Variants in IL15 observed in about 807,000 individuals in gnomAD.
IL15 encodes interleukin 15, also known as interleukin-15.
In IL15, 11 loss-of-function variants were observed where a neutral mutation model predicts 19.6. The observed-to-expected ratio is 0.56, with a 90% confidence interval of 0.35 to 0.93. The LOEUF (loss-of-function observed/expected upper bound fraction) is 0.93, where lower values mean the gene tolerates loss of function less well. Ranked by LOEUF, IL15 falls within the 40% of genes least tolerant of loss-of-function variation. The pLI, the probability that IL15 is intolerant of heterozygous loss-of-function variation, is 0.01. For missense variants in IL15, 197 were observed against 186.5 expected, an observed-to-expected ratio of 1.06 and a Z score of -0.33; for synonymous variants, 58 against 59.6, an observed-to-expected ratio of 0.97 and a Z score of 0.12.
At chr4:141,722,538 C>T (rs1485871633) in intron 5 of IL15, among the ~76,000 whole-genome samples, 5 of 152,108 alleles carry the variant, frequency 3.3e-5, no homozygotes, top group Non-Finnish European at 2.9e-5. Context: ...ATGCTAAATC[C>T]AAACAACCTG....
intron 2 of IL15, among the ~76,000 whole-genome samples, chr4:141,695,259 G>C (rs577068346): frequency 3.9e-5 from 5 of 127,272 alleles, no homozygotes; most frequent in South Asian, 2.7e-4. Context: ...CTTCTGCTCT[G>C]CTTCTATGAT....
chr4:141,672,748 C>T (rs17007519), intron 2 of IL15, among the ~76,000 whole-genome samples: 2,609 of 152,280 alleles, frequency 0.017, 29 homozygotes, highest in Non-Finnish European at 0.03. Flanking sequence ...AGTTTATAGC[C>T]AATGACGTAT....
chr4:141,725,237 G>A (rs975302048), intron 5 of IL15, among the ~76,000 whole-genome samples: 41 of 152,100 alleles, frequency 2.7e-4, no homozygotes, highest in Non-Finnish European at 2.9e-5. Flanking sequence ...ACCTCTCATG[G>A]CCTGTGTCCC....
chr4:141,677,368 A>G (rs555229756), intron 2 of IL15, among the ~76,000 whole-genome samples: 1 of 152,282 alleles, frequency 6.6e-6, no homozygotes, highest in South Asian at 2.1e-4. Context: ...TTTTTTCTCC[A>G]GCTTGCTTTA....
chr4:141,701,583 G>A (rs1186783257), intron 2 of IL15, among the ~76,000 whole-genome samples: 2 of 152,152 alleles, frequency 1.3e-5, no homozygotes, highest in Non-Finnish European at 2.9e-5. Context: ...TATTTACTGA[G>A]TTGATGATTC....
chr4:141,677,787 C>G (rs1313086832), intron 2 of IL15, among the ~76,000 whole-genome samples: 1 of 152,184 alleles, frequency 6.6e-6, no homozygotes, highest in African/African-American at 2.4e-5. Context: ...ATTAGTCACC[C>G]CTTCTATGTA....
At chr4:141,648,271 G>A (rs1420839547) in intron 1 of IL15, among the ~76,000 whole-genome samples, 1 of 151,974 alleles carries the variant, frequency 6.6e-6, no homozygotes, top group Non-Finnish European at 1.5e-5. Context: ...TCCTTATTAG[G>A]AGTATGAGTT....
intron 4 of IL15, chr4:141,721,488 T>C (rs1299489314): frequency 3.6e-6 from 2 of 560,784 alleles, no homozygotes; most frequent in Non-Finnish European, 6.7e-6. Flanking sequence ...AAATTTACTA[T>C]CAAAATCATT....
Position 141,670,647 on chromosome 4 carries a change from C to A in IL15, c.-100+14340C>A, listed in dbSNP as rs563173728. On this transcript the variant is annotated intron_variant, in intron 2 of 7. Coordinates refer to ENST00000320650, the MANE Select transcript of IL15 (RefSeq NM_000585.5). ...GAAATATTCAATATTTTTACTAGTA[C>A]AACCTAGAAATTATTTTACTTCTTT... is the stretch of plus-strand genomic sequence containing the variant. 3.9e-5 allele frequency among the ~76,000 whole-genome samples: 6 copies of A among 152,262 alleles called. No homozygotes were observed. In the South Asian group the frequency reaches 1.2e-3, roughly 32 times the overall value.
At chr4:141,675,332 A>G (rs1728307566) in intron 2 of IL15, among the ~76,000 whole-genome samples, 1 of 152,216 alleles carries the variant, frequency 6.6e-6, no homozygotes. Context: ...CTTAGAGTTG[A>G]CAGAAATGTA....
chr4:141,688,620 G>T (rs1728786197), intron 2 of IL15, among the ~76,000 whole-genome samples: 1 of 151,816 alleles, frequency 6.6e-6, no homozygotes, highest in African/African-American at 2.4e-5. Context: ...CTCTTTATAT[G>T]CTCTTTTGGC....
chr4:141,659,453 G>T (rs144352159), intron 2 of IL15, among the ~76,000 whole-genome samples: 1 of 152,078 alleles, frequency 6.6e-6, no homozygotes, highest in African/African-American at 2.4e-5. Flanking sequence ...TGCCCACCTC[G>T]GCCTCCCGAA....
chr4:141,699,413 G>T (rs574189499), intron 2 of IL15, among the ~76,000 whole-genome samples: 2 of 152,050 alleles, frequency 1.3e-5, no homozygotes, highest in African/African-American at 2.4e-5. Context: ...TCGACCTAGC[G>T]CTGTCAGAGG....
intron 6 of IL15, among the ~76,000 whole-genome samples, chr4:141,728,650 C>T (rs1644250574): frequency 6.6e-6 from 1 of 152,046 alleles, no homozygotes; most frequent in African/African-American, 2.4e-5. Flanking sequence ...ACTCTATGTC[C>T]TCTCTCCATT....
In IL15 at chr4:141,719,490, T is replaced by C. The variant is rs770201914; in HGVS notation, c.12+14T>C. On this transcript the variant is annotated intron_variant, in intron 3 of 7. Transcript: ENST00000320650. ...ATGAGAATTTCGGTAAGAAAAAAAA[T>C]AGATGAAAATATCCTATGGAATTTC... 4.8e-6 allele frequency: 6 copies of C among 1,237,954 alleles called. No individual in the cohort carries two copies. The Admixed American group carries it at 8.6e-5, about 18-fold the overall frequency. The allele number at this position is 1,237,954 out of a possible 1,614,324, so 76.7% of individuals were successfully genotyped here. A position where few individuals can be genotyped will look rare whatever the true frequency, so the allele number is the denominator to read the frequency against.
At chr4:141,713,681 T>G (rs1406281660) in intron 2 of IL15, among the ~76,000 whole-genome samples, 1 of 152,190 alleles carries the variant, frequency 6.6e-6, no homozygotes, top group Non-Finnish European at 1.5e-5. Context: ...GGTTCTGCCT[T>G]CTGCCTCAAT....
At chr4:141,674,676 G>A (rs1421932770) in intron 2 of IL15, among the ~76,000 whole-genome samples, 5 of 152,108 alleles carry the variant, frequency 3.3e-5, no homozygotes, top group Admixed American at 3.3e-4. Flanking sequence ...ATTTATTGCT[G>A]TATGCTAAAT....
chr4:141,672,806 A>C (rs1409786509), intron 2 of IL15, among the ~76,000 whole-genome samples: 1 of 152,220 alleles, frequency 6.6e-6, no homozygotes, highest in African/African-American at 2.4e-5. Context: ...TTTCTTGAAA[A>C]TACAAGACAG....
intron 2 of IL15, among the ~76,000 whole-genome samples, chr4:141,711,486 T>C (rs1401897418): frequency 3.3e-5 from 5 of 152,118 alleles, no homozygotes; most frequent in Admixed American, 3.3e-4. Context: ...GTTTATAATA[T>C]AAACAAATTA....
Sources: gnomAD v4.1 joint callset for allele counts (sites outside exome capture counted in the v4.1 genomes callset) on GRCh38, gnomAD v4.1.1 for gene constraint, MANE v1.5 for transcripts, NCBI Gene and HGNC (gene_info 2026-07-23, HGNC 2026-07-21) for gene names.